Variants in CCDC6 observed in about 807,000 individuals in gnomAD.
CCDC6 encodes coiled-coil domain-containing protein 6.
Under a neutral mutation model 56.6 loss-of-function variants are expected in CCDC6, and 20 were observed. The ratio of observed to expected loss-of-function variants is 0.35; its 90% CI spans 0.25 to 0.51. CCDC6 has a LOEUF of 0.51. CCDC6 is among the 20% of genes least tolerant of loss of function. CCDC6 has a pLI of 0.95. For missense variants in CCDC6, 367 were observed against 601.1 expected, an observed-to-expected ratio of 0.61 and a Z score of 4.07; for synonymous variants, 241 against 234.4, an observed-to-expected ratio of 1.03 and a Z score of -0.26.
chr10:59,906,089 C>A (rs1404943247), intron 1 of CCDC6, 33 bp downstream of exon 1: 1 of 1,529,384 alleles, frequency 6.5e-7, no homozygotes, highest in South Asian at 1.3e-5. Context: ...GGGCGGAGGT[C>A]GGCGCTGCGG....
chr10:59,799,996 C>G (rs1432178248), intron 7 of CCDC6, among the ~76,000 whole-genome samples: 1 of 152,202 alleles, frequency 6.6e-6, no homozygotes, highest in African/African-American at 2.4e-5. Context: ...ATCTCAAAAG[C>G]TCTCTAAGCT....
At position 59,818,499 on chromosome 10, in the gene CCDC6, G is replaced by C. The variant is rs545595768; in HGVS notation, c.583-3744C>G. Among the ~76,000 whole-genome samples the C allele has an allele frequency of 6.0e-5, 7 of 116,160 alleles. 1 individual carries two copies. In the South Asian group the frequency reaches 8.6e-4, roughly 14 times the overall value. The allele number at this position is 116,160 out of a possible 152,430, so 76.2% of individuals were successfully genotyped here. A position where few individuals can be genotyped will look rare whatever the true frequency, so the allele number is the denominator to read the frequency against. On this transcript the variant is annotated intron_variant, in intron 3 of 8. Coordinates refer to ENST00000263102, the MANE Select transcript of CCDC6 (RefSeq NM_005436.5). ...GTCCTTTTATTATAATGTTGACGGGGGGGGGGGAAGCAGATTCTCAGTGGG... is the reference window on the plus strand; with the variant it reads ...GTCCTTTTATTATAATGTTGACGGGCGGGGGGGAAGCAGATTCTCAGTGGG...
At chr10:59,794,648 T>C (rs770476359) in intron 7 of CCDC6, 51 bp from the exon 8 acceptor site, 11 of 1,546,882 alleles carry the variant, frequency 7.1e-6, no homozygotes, top group Non-Finnish European at 9.8e-6. Flanking sequence ...CTATCTGGTG[T>C]CTTCAACTAT....
intron 3 of CCDC6, among the ~76,000 whole-genome samples, 194 bp downstream of exon 3, chr10:59,832,327 TAAAA>T (rs1564744140): frequency 6.6e-6 from 1 of 152,136 alleles, no homozygotes; most frequent in African/African-American, 2.4e-5. Flanking sequence ...TAATTGTGGT[TAAAA>T]AAGAGAAAAT....
At chr10:59,846,135 AAG>A (rs755772074) in intron 2 of CCDC6, among the ~76,000 whole-genome samples, 4 of 152,142 alleles carry the variant, frequency 2.6e-5, no homozygotes, top group Non-Finnish European at 5.9e-5. Context: ...TACTCAGAAA[AAG>A]AGTCTTTCAG....
At chr10:59,815,691 T>C (rs1365886235) in intron 3 of CCDC6, among the ~76,000 whole-genome samples, 1 of 152,218 alleles carries the variant, frequency 6.6e-6, no homozygotes, top group Non-Finnish European at 1.5e-5. Context: ...TAATTAAAAA[T>C]TTTTTCTTAA....
In CCDC6 at chr10:59,882,473, C is replaced by CGGCGGG. The variant is rs763665186; in HGVS notation, c.303+23648_303+23649insCCCGCC. ...GCCGGCGGGAGAAGGAAAGGAAAGC[C>CGGCGGG]AGGGGGAGAAGGAAAGGAAAGCCGG... On this transcript the variant is annotated intron_variant, in intron 1 of 8. Coordinates refer to ENST00000263102, the MANE Select transcript of CCDC6 (RefSeq NM_005436.5). 2.8e-4 allele frequency among the ~76,000 whole-genome samples: 2 copies of CGGCGGG among 7,270 alleles called. 1 individual carries two copies. The highest frequency in any genetic ancestry group is 4.4e-4 in the Non-Finnish European group (2 of 4,514). The allele number at this position is 7,270 out of a possible 152,430, so 4.8% of individuals were successfully genotyped here.
chr10:59,898,467 A>G (rs540488792), intron 1 of CCDC6, among the ~76,000 whole-genome samples: 1 of 152,350 alleles, frequency 6.6e-6, no homozygotes, highest in Admixed American at 6.5e-5. Context: ...TGGAAGCTGG[A>G]AGGTAAAATT....
At chr10:59,849,118 A>C (rs751443118) in intron 2 of CCDC6, among the ~76,000 whole-genome samples, 14 of 152,248 alleles carry the variant, frequency 9.2e-5, no homozygotes, top group Non-Finnish European at 1.8e-4. Flanking sequence ...TCAAGAGTAG[A>C]ATTTAGCTCT....
At chr10:59,805,373 G>C (rs1373531390) in intron 6 of CCDC6, 1 of 151,858 alleles carries the variant, frequency 6.6e-6, no homozygotes, top group Non-Finnish European at 1.5e-5. Context: ...TAGTATCATT[G>C]TTCCTAGTAG....
At position 59,791,868 on chromosome 10, in the gene CCDC6, A is replaced by G; in HGVS notation, c.*1049T>C. 1 of 219,616 alleles carries G rather than the reference A, an allele frequency of 4.6e-6. No individual in the cohort carries two copies. The highest frequency in any genetic ancestry group is 9.2e-6 in the Non-Finnish European group (1 of 109,226). 13.6% of individuals were successfully genotyped at this position (219,616 alleles called of 1,614,324 possible). ...ATACTGGGTGAAATGAACAGCCATC[A>G]ATGCTAATGTGCTACTTTCCTTTAG... On this transcript the variant is annotated 3_prime_UTR_variant, in exon 9 of 9. Coordinates refer to ENST00000263102, the MANE Select transcript of CCDC6 (RefSeq NM_005436.5).
At chr10:59,863,812 T>C (rs2071155023) in intron 1 of CCDC6, among the ~76,000 whole-genome samples, 1 of 152,146 alleles carries the variant, frequency 6.6e-6, no homozygotes, top group Non-Finnish European at 1.5e-5. Flanking sequence ...CTTAAATATA[T>C]GACATAATTC....
chr10:59,902,457 G>A (rs1165681867), intron 1 of CCDC6, among the ~76,000 whole-genome samples: 3 of 138,948 alleles, frequency 2.2e-5, no homozygotes, highest in Admixed American at 8.0e-5. Context: ...GCAGTGGTGC[G>A]ACATTGGCTC....
At chr10:59,825,062 G>A (rs1370651603) in intron 3 of CCDC6, among the ~76,000 whole-genome samples, 1 of 152,180 alleles carries the variant, frequency 6.6e-6, no homozygotes, top group Non-Finnish European at 1.5e-5. Flanking sequence ...TGCAAGGGAA[G>A]CTTTTAGCAT....
intron 3 of CCDC6, among the ~76,000 whole-genome samples, chr10:59,817,996 G>C (rs1210481798): frequency 6.6e-6 from 1 of 152,166 alleles, no homozygotes; most frequent in Non-Finnish European, 1.5e-5. Flanking sequence ...GACTCAGGCA[G>C]TCATGCCACC....
intron 7 of CCDC6, among the ~76,000 whole-genome samples, chr10:59,802,198 CTCTT>C (rs1168574401): frequency 2.2e-4 from 34 of 152,136 alleles, no homozygotes; most frequent in African/African-American, 7.2e-4. Flanking sequence ...AAAGATGATG[CTCTT>C]TCTTAGTTTT....
In CCDC6 at chr10:59,884,977, C is replaced by A. The variant is rs181907884; in HGVS notation, c.303+21145G>T. On this transcript the variant is annotated intron_variant, in intron 1 of 8. Coordinates refer to ENST00000263102, the MANE Select transcript of CCDC6 (RefSeq NM_005436.5). ...TGCTTGGGAGGCTGAGGAAGGAGAACTGCTTGAACCCGGGAGACAGAGGTT... is the reference window on the plus strand; with the variant it reads ...TGCTTGGGAGGCTGAGGAAGGAGAAATGCTTGAACCCGGGAGACAGAGGTT... Among the ~76,000 whole-genome samples, 8 of 152,048 alleles carry A rather than the reference C, an allele frequency of 5.3e-5. No individual in the cohort carries two copies. In the East Asian group the frequency reaches 1.6e-3, roughly 29 times the overall value.
At chr10:59,895,061 G>A (rs549652120) in intron 1 of CCDC6, among the ~76,000 whole-genome samples, 58 of 152,268 alleles carry the variant, frequency 3.8e-4, no homozygotes, top group African/African-American at 1.4e-3. Flanking sequence ...CAGGACTTTG[G>A]GAGGCCAAGG....
chr10:59,843,166 G>A (rs1005669676), intron 2 of CCDC6, among the ~76,000 whole-genome samples: 11 of 152,222 alleles, frequency 7.2e-5, no homozygotes, highest in African/African-American at 1.9e-4. Flanking sequence ...GATTACAGGC[G>A]TGAGCCAACG....
Sources: gnomAD v4.1 joint callset for allele counts (sites outside exome capture counted in the v4.1 genomes callset) on GRCh38, gnomAD v4.1.1 for gene constraint, MANE v1.5 for transcripts, NCBI Gene and HGNC (gene_info 2026-07-23, HGNC 2026-07-21) for gene names.